The following RPN1 variants were observed in gnomAD, a reference collection of about 807,000 sequenced individuals.
The protein encoded by RPN1 is dolichyl-diphosphooligosaccharide--protein glycosyltransferase subunit 1.
RPN1 carries 12 observed loss-of-function variants against 55.5 expected under a neutral mutation model. The ratio of observed to expected loss-of-function variants is 0.22; its 90% confidence interval spans 0.14 to 0.35. RPN1 has a LOEUF of 0.35. Ranked by LOEUF, RPN1 falls within the 10% of genes least tolerant of loss-of-function variation. The pLI is 1.00. For missense variants in RPN1, 679 were observed against 761.3 expected (o/e 0.89, Z 1.27); for synonymous variants, 317 against 305.9 (o/e 1.04, Z -0.38).
chr3:128,621,332 G>A (rs1438481149), intron 9 of RPN1, among the ~76,000 whole-genome samples: 8 of 152,172 alleles, frequency 5.3e-5, no homozygotes, highest in Non-Finnish European at 1.0e-4. Context: ...GCAACATGGC[G>A]AAACCCCATC....
At chr3:128,620,873 G>A (rs1393741144) in intron 9 of RPN1, among the ~76,000 whole-genome samples, 1 of 152,224 alleles carries the variant, frequency 6.6e-6, no homozygotes, top group Non-Finnish European at 1.5e-5. Flanking sequence ...TCTGAGGACT[G>A]AGTATGAAAC....
intron 2 of RPN1, among the ~76,000 whole-genome samples, chr3:128,639,856 G>T (rs1336712830): frequency 6.6e-6 from 1 of 152,102 alleles, no homozygotes; most frequent in East Asian, 1.9e-4. Flanking sequence ...CAAAGTGCTG[G>T]GATTACAGGC....
chr3:128,647,401 G>C (rs185147252), intron 1 of RPN1, among the ~76,000 whole-genome samples: 3 of 152,112 alleles, frequency 2.0e-5, no homozygotes, highest in Admixed American at 6.6e-5. Flanking sequence ...ATCACAGTGG[G>C]AATATTCCAG....
At chr3:128,647,309 G>C (rs1480601320) in intron 1 of RPN1, among the ~76,000 whole-genome samples, 1 of 152,044 alleles carries the variant, frequency 6.6e-6, no homozygotes, top group African/African-American at 2.4e-5. Flanking sequence ...ATATCAAAAA[G>C]CCTAAAAACA....
At chr3:128,626,622 T>C (rs2069601731) in intron 6 of RPN1, 111 bp downstream of exon 6, 2 of 892,170 alleles carry the variant, frequency 2.2e-6, no homozygotes, top group East Asian at 2.5e-5. Flanking sequence ...AAAGTAAATC[T>C]AGAGAAAAGT....
At chr3:128,641,871 A>G (rs2069728324) in intron 2 of RPN1, among the ~76,000 whole-genome samples, 1 of 152,110 alleles carries the variant, frequency 6.6e-6, no homozygotes, top group Admixed American at 6.6e-5. Context: ...TCGGCCTCCC[A>G]AAGTGCTGGG....
intron 6 of RPN1, 36 bp from the exon 7 acceptor site, chr3:128,626,048 C>A: frequency 1.3e-6 from 2 of 1,557,696 alleles, no homozygotes; most frequent in Middle Eastern, 1.7e-4. Flanking sequence ...AGCCTCCAAC[C>A]AACTACATCA....
At chr3:128,645,090 T>G in intron 1 of RPN1, 107 bp from the exon 2 acceptor site, 2 of 678,480 alleles carry the variant, frequency 2.9e-6, no homozygotes, top group Non-Finnish European at 5.3e-6. Flanking sequence ...AGTCAAACTA[T>G]CAGAACTTTT....
At chr3:128,649,496 T>C (rs1277493542) in intron 1 of RPN1, among the ~76,000 whole-genome samples, 1 of 152,234 alleles carries the variant, frequency 6.6e-6, no homozygotes. Context: ...ATAGGAGTCA[T>C]TTCAGAAACG....
intron 1 of RPN1, among the ~76,000 whole-genome samples, chr3:128,646,830 G>T (rs1364260554): frequency 6.6e-6 from 1 of 151,300 alleles, no homozygotes; most frequent in Non-Finnish European, 1.5e-5. Flanking sequence ...AAAATTAGCT[G>T]GGTGTGGTGG....
chr3:128,627,044 C>T, intron 5 of RPN1: 1 of 553,348 alleles, frequency 1.8e-6, no homozygotes. Flanking sequence ...CCGACAGCCA[C>T]AAGACCTTCA....
chr3:128,638,085 T>C lies in RPN1; in HGVS notation c.347A>G (p.Lys116Arg), dbSNP rs2069694525. 1.2e-6 allele frequency: 2 copies of C among 1,613,034 alleles called. No individual in the cohort carries two copies. Among genetic ancestry groups the C allele is most frequent in the Admixed American group, 1.7e-5 (1 of 59,964 alleles). Residue 116 changes from lysine (K) to arginine (R), a missense_variant, in exon 3 of 10, where the codon AAG becomes AGG. By Grantham distance (26) the Lys-to-Arg change is conservative. Around this residue, in one of 3 missense-constraint regions of RPN1, gnomAD observed 352 missense variants for 352.8 expected, o/e 1.00. Transcript: ENST00000296255. ...KGKSGRFFTV[K>R]LPVALDPGAK... ...CCCAGGATCAAGAGCAACTGGGAGC[T>C]TGACTGTGAAGAATCTCCCACTAAA...
In RPN1 at chr3:128,625,974, G is replaced by T; in HGVS notation, c.1175C>A (p.Ala392Asp). The T allele has an allele frequency of 6.2e-7, 1 of 1,611,874 alleles. No homozygotes were observed. The change falls in exon 7 of 10, where the codon GCC becomes GAC. Residue 392 changes from alanine (A) to aspartate (D), a missense_variant. By Grantham distance (126) the Ala-to-Asp change is moderately radical. This residue lies in a region of RPN1 where 306 missense variants were observed against 360.0 expected (regional missense o/e 0.85). Coordinates refer to ENST00000296255, the MANE Select transcript of RPN1 (RefSeq NM_002950.4). Reference protein sequence around the residue: ...EIDSPYEISRAPDELHYTYLD... With the variant: ...EIDSPYEISRDPDELHYTYLD... ...ATAGGTGTAGTGCAGCTCATCTGGG[G>T]CACGGCTGATTTCATAGGGACTATC...
intron 8 of RPN1, among the ~76,000 whole-genome samples, chr3:128,623,471 G>A (rs746539965): frequency 2.6e-5 from 4 of 152,082 alleles, no homozygotes; most frequent in Admixed American, 6.6e-5. Context: ...CCAGGAGGTC[G>A]AGGCTGCAGT....
At chr3:128,633,168 T>C (rs1656682678) in intron 3 of RPN1, among the ~76,000 whole-genome samples, 2 of 152,118 alleles carry the variant, frequency 1.3e-5, no homozygotes, top group African/African-American at 4.8e-5. Context: ...CCTAAAAAAT[T>C]GATTAAATCT....
At position 128,650,757 on chromosome 3, in the gene RPN1, C is replaced by T. The variant is rs1394233888; in HGVS notation, c.44G>A (p.Gly15Glu). The change falls in exon 1 of 10, where the codon GGG becomes GAG. Residue 15 changes from glycine (G) to glutamate (E), a missense_variant. Around this residue, in one of 3 missense-constraint regions of RPN1, gnomAD observed 352 missense variants for 352.8 expected, o/e 1.00. Transcript: ENST00000296255. ...GCTGCCCGGCGCCGGGGCCCAAGTC[C>T]CAAGCAACAGGAGCAGAAACAAGCC... ...AAGLFLLLLLGTWAPAPGSAS... is the reference protein window; with the variant it reads ...AAGLFLLLLLETWAPAPGSAS... The T allele has an allele frequency of 7.1e-6, 11 of 1,549,504 alleles. No individual in the cohort carries two copies. In the Admixed American group the frequency reaches 1.2e-4, roughly 17 times the overall value.
Position 128,620,320 on chromosome 3 carries a change from G to A in RPN1, c.*91C>T. On this transcript the variant is annotated 3_prime_UTR_variant, in exon 10 of 10. Coordinates refer to ENST00000296255, the MANE Select transcript of RPN1 (RefSeq NM_002950.4). ...CCTTTTACAGATGTCAGCTTTCACTGGCCTCCATGCACAACCTCCCACTAC... is the reference window on the plus strand; with the variant it reads ...CCTTTTACAGATGTCAGCTTTCACTAGCCTCCATGCACAACCTCCCACTAC... 8.2e-7 allele frequency: 1 copy of A among 1,214,640 alleles called. No individual in the cohort carries two copies. Among genetic ancestry groups the A allele is most frequent in the Non-Finnish European group, 1.1e-6 (1 of 880,582 alleles). 75.2% of individuals were successfully genotyped at this position (1,214,640 alleles called of 1,614,324 possible). A position where few individuals can be genotyped will look rare whatever the true frequency, so the allele number is the denominator to read the frequency against.
chr3:128,641,845 A>C (rs1317171332), intron 2 of RPN1, among the ~76,000 whole-genome samples: 2 of 152,092 alleles, frequency 1.3e-5, no homozygotes, highest in African/African-American at 2.4e-5. Context: ...TCCCAACCTC[A>C]GGTGATCTGC....
At position 128,622,328 on chromosome 3, in the gene RPN1, A is replaced by G; in HGVS notation, c.1477T>C (p.Tyr493His). Reference sequence around the variant, plus strand: ...TTGACGGTCTCGTCAAAGTGACGGTAAAGGCCTATTCTCTTGTTGACCAGG... The same window carrying G: ...TTGACGGTCTCGTCAAAGTGACGGTGAAGGCCTATTCTCTTGTTGACCAGG... The part of the protein sequence containing the change: ...LTLVNKRIGL[Y>H]RHFDETVNRY... The change falls in exon 9 of 10, where the codon TAC (tyrosine) becomes CAC (histidine). Residue 493 changes from tyrosine to histidine, a missense_variant. Around this residue, in one of 3 missense-constraint regions of RPN1, gnomAD observed 306 missense variants for 360.0 expected, o/e 0.85. Coordinates refer to ENST00000296255, the MANE Select transcript of RPN1 (RefSeq NM_002950.4). The G allele has an allele frequency of 6.2e-7, 1 of 1,614,232 alleles. No homozygotes were observed. The highest frequency in any genetic ancestry group is 8.5e-7 in the Non-Finnish European group (1 of 1,180,040).
Sources: allele counts gnomAD v4.1 joint callset (sites outside exome capture counted in the v4.1 genomes callset), GRCh38; gene constraint gnomAD v4.1.1; regional missense constraint gnomAD v4.1.1; transcripts MANE v1.5; gene names NCBI Gene and HGNC (gene_info 2026-07-23, HGNC 2026-07-21).